XRCC4: variants seen among roughly 807,000 people sequenced by gnomAD.
XRCC4 encodes the protein DNA repair protein XRCC4.
XRCC4 carries 28 observed loss-of-function variants against 39.1 expected under a neutral mutation model. The ratio of observed to expected loss-of-function variants is 0.72; its 90% CI spans 0.53 to 0.98. The LOEUF is 0.98. XRCC4 is among the 50% of genes least tolerant of loss of function. The pLI is 0.00. For missense variants in XRCC4, 350 were observed against 376.4 expected, an observed-to-expected ratio of 0.93 and a Z score of 0.58; for synonymous variants, 123 against 126.4, an observed-to-expected ratio of 0.97 and a Z score of 0.18.
At chr5:83,362,316 A>AAAAAAAAAAAAAAAAAAAAC in the XRCC4 span, among the ~76,000 whole-genome samples, 25 of 145,914 alleles carry the variant, frequency 1.7e-4, no homozygotes, top group African/African-American at 6.9e-4. Context: ...AAAAAAAAAA[A>AAAAAAAAAAAAAAAAAAAAC]AACTATCTCA....
intron 1 of XRCC4, among the ~76,000 whole-genome samples, chr5:83,090,637 A>G (rs1334406564): frequency 6.6e-6 from 1 of 152,072 alleles, no homozygotes; most frequent in East Asian, 1.9e-4. Context: ...ATCCCAGCCT[A>G]CTAATCACTT....
intron 7 of XRCC4, among the ~76,000 whole-genome samples, chr5:83,313,542 AT>A (rs1380538127): frequency 6.6e-6 from 1 of 152,068 alleles, no homozygotes; most frequent in Non-Finnish European, 1.5e-5. Context: ...TACTCAATAT[AT>A]TAGGCCTACT....
intron 6 of XRCC4, among the ~76,000 whole-genome samples, chr5:83,217,065 A>C (rs1027489377): frequency 6.6e-6 from 1 of 152,012 alleles, no homozygotes; most frequent in Admixed American, 6.6e-5. Flanking sequence ...ACACCCCAAA[A>C]ACCAATTGTG....
chr5:83,354,312 A>C (rs1019063613), downstream of XRCC4, among the ~76,000 whole-genome samples: 2 of 152,194 alleles, frequency 1.3e-5, no homozygotes, highest in African/African-American at 4.8e-5. Context: ...AATAGTTAAA[A>C]GTTTGAGTGT....
intron 6 of XRCC4, among the ~76,000 whole-genome samples, chr5:83,226,959 G>C (rs902760795): frequency 1.8e-4 from 28 of 151,796 alleles, no homozygotes; most frequent in African/African-American, 6.5e-4. Context: ...TTCATTTTCT[G>C]GGAATTTCAT....
chr5:83,243,202 T>G (rs1752979477), intron 6 of XRCC4, among the ~76,000 whole-genome samples: 1 of 152,220 alleles, frequency 6.6e-6, no homozygotes, highest in South Asian at 2.1e-4. Context: ...CAAGTTAGTT[T>G]CATAATGATA....
At chr5:83,167,123 T>C (rs1749519327) in intron 3 of XRCC4, among the ~76,000 whole-genome samples, 1 of 152,176 alleles carries the variant, frequency 6.6e-6, no homozygotes, top group South Asian at 2.1e-4. Flanking sequence ...CTCAAGTGAT[T>C]CACGCGCCTT....
At chr5:83,084,699 A>C (rs189680463) in intron 1 of XRCC4, among the ~76,000 whole-genome samples, 1 of 152,310 alleles carries the variant, frequency 6.6e-6, no homozygotes, top group African/African-American at 2.4e-5. Flanking sequence ...GTTTGTTAAC[A>C]GTATCTCTGA....
the XRCC4 span, among the ~76,000 whole-genome samples, chr5:83,364,022 T>C: frequency 6.6e-6 from 1 of 152,128 alleles, no homozygotes; most frequent in South Asian, 2.1e-4. Flanking sequence ...ATGTGGAGGT[T>C]TGAGGGGAGT....
chr5:83,288,696 C>T (rs1754816358), intron 7 of XRCC4, among the ~76,000 whole-genome samples: 1 of 151,684 alleles, frequency 6.6e-6, no homozygotes, highest in South Asian at 2.1e-4. Context: ...TACCCTCTGG[C>T]TTCTTTCAAC....
intron 3 of XRCC4, among the ~76,000 whole-genome samples, chr5:83,149,067 C>T (rs1345964399): frequency 1.3e-5 from 2 of 152,080 alleles, no homozygotes; most frequent in East Asian, 1.9e-4. Flanking sequence ...AAACATAGTG[C>T]ATTTTGCTTT....
the XRCC4 span, among the ~76,000 whole-genome samples, chr5:83,368,892 A>G: frequency 6.6e-6 from 1 of 152,228 alleles, no homozygotes; most frequent in Non-Finnish European, 1.5e-5. Flanking sequence ...AGAACTTGGT[A>G]GATGATAGGT....
intron 1 of XRCC4, among the ~76,000 whole-genome samples, chr5:83,096,827 A>G (rs1481540228): frequency 2.6e-5 from 4 of 152,140 alleles, no homozygotes; most frequent in African/African-American, 9.7e-5. Flanking sequence ...ACTTACCCAT[A>G]ACAATCTGCT....
the XRCC4 span, among the ~76,000 whole-genome samples, chr5:83,370,103 G>A: frequency 2.6e-5 from 4 of 152,098 alleles, no homozygotes; most frequent in African/African-American, 9.7e-5. Context: ...TCTGAGAGAG[G>A]ACAAGAGCCC....
At chr5:83,158,351 C>T (rs1018223351) in intron 3 of XRCC4, among the ~76,000 whole-genome samples, 1 of 151,976 alleles carries the variant, frequency 6.6e-6, no homozygotes, top group Non-Finnish European at 1.5e-5. Context: ...TAATAGTTTA[C>T]AAGAGGGATT....
rs781117121 is a variant in XRCC4 at position 83,308,374 on chromosome 5, T to G, written c.894-44757T>G. Among the ~76,000 whole-genome samples the G allele has an allele frequency of 2.1e-3, 326 of 152,262 alleles. 2 individuals are homozygous for G. Among genetic ancestry groups the G allele is most frequent in the Non-Finnish European group, 3.5e-3 (239 of 68,008 alleles). ...TAGTATTTGGTGTGGGATCTTTTCATGAAAAGTTGTGTATGCAGGAATAAG... is the reference window on the plus strand; with the variant it reads ...TAGTATTTGGTGTGGGATCTTTTCAGGAAAAGTTGTGTATGCAGGAATAAG... On this transcript the variant is annotated intron_variant, in intron 7 of 7. Coordinates refer to ENST00000396027, the MANE Select transcript of XRCC4 (RefSeq NM_003401.5).
chr5:83,104,146 T>A (rs1484946241), intron 1 of XRCC4, among the ~76,000 whole-genome samples: 1 of 152,166 alleles, frequency 6.6e-6, no homozygotes, highest in Non-Finnish European at 1.5e-5. Flanking sequence ...AGTGCCCCTG[T>A]CTCAGTGGAT....
chr5:83,366,957 A>G, the XRCC4 span, among the ~76,000 whole-genome samples: 2 of 152,094 alleles, frequency 1.3e-5, no homozygotes, highest in African/African-American at 2.4e-5. Flanking sequence ...CTAGCATACT[A>G]TATATTGTGT....
At chr5:83,368,680 T>C in the XRCC4 span, among the ~76,000 whole-genome samples, 1 of 152,206 alleles carries the variant, frequency 6.6e-6, no homozygotes, top group African/African-American at 2.4e-5. Flanking sequence ...CTAATTCTTG[T>C]AGATCCTACG....
Sources: allele counts gnomAD v4.1 joint callset (sites outside exome capture counted in the v4.1 genomes callset), GRCh38; gene constraint gnomAD v4.1.1; transcripts MANE v1.5; gene names NCBI Gene and HGNC (gene_info 2026-07-23, HGNC 2026-07-21).